DBF4B: variants seen among roughly 807,000 people sequenced by gnomAD.
DBF4B encodes DBF4B-CDC7 kinase regulatory subunit, also known as protein DBF4 homolog B.
DBF4B carries 49 observed loss-of-function variants against 53.4 expected under a neutral mutation model. The ratio of observed to expected loss-of-function variants is 0.92; its 90% confidence interval spans 0.73 to 1.16. The LOEUF is 1.16. Ranked by LOEUF, DBF4B falls within the 50% of genes most tolerant of loss-of-function variation. DBF4B has a pLI of 0.00. For missense variants in DBF4B, 692 were observed against 775.0 expected (o/e 0.89, Z 1.27); for synonymous variants, 257 against 288.7 (o/e 0.89, Z 1.11).
intron 13 of DBF4B, chr17:44,750,240 T>G (rs1340058180): frequency 6.8e-6 from 7 of 1,030,230 alleles, no homozygotes; most frequent in Non-Finnish European, 7.0e-6. Context: ...TTGCTATCGA[T>G]TCTCTGGCCA....
Position 44,709,351 on chromosome 17 carries a change from C to A in DBF4B, c.67C>A (p.Arg23=). 6.2e-7 allele frequency: 1 copy of A among 1,614,110 alleles called. No homozygotes were observed. Among genetic ancestry groups the A allele is most frequent in the Non-Finnish European group, 8.5e-7 (1 of 1,180,018 alleles). ...LESSMAESRL[R]APDLGVSRCL... ...GAGTTCCATGGCTGAGAGTAGGCTC[C>A]GGGCCCCGGACCTAGGTGGGTAACA... The change falls in exon 2 of 14, where the codon CGG becomes AGG. Residue 23 remains arginine (R), a synonymous_variant. Transcript: ENST00000315005.
At position 44,750,761 on chromosome 17, in the gene DBF4B, C is replaced by G. The variant is rs374416274; in HGVS notation, c.1356C>G (p.Thr452=). 2 of 1,614,196 alleles carry G rather than the reference C, an allele frequency of 1.2e-6. No homozygotes were observed. The highest frequency in any genetic ancestry group is 2.2e-5 in the South Asian group (2 of 91,086). The change falls in exon 14 of 14, where the codon ACC becomes ACG. Residue 452 remains threonine, a synonymous_variant. Transcript: ENST00000315005. Reference sequence around the variant, plus strand: ...TCTGTCCCTGCCCAGCCTCCTTTACCCAGTCTCATCTGGTCACTTCCTTGG... The same window carrying G: ...TCTGTCCCTGCCCAGCCTCCTTTACGCAGTCTCATCTGGTCACTTCCTTGG... ...GCLCPCPASF[T]QSHLVTSLAL...
chr17:44,750,682 G>A lies in DBF4B; in HGVS notation c.1277G>A (p.Ser426Asn), dbSNP rs2049258684. Reference protein sequence around the residue: ...MGPPASHTCVSATTLLPALPK... With the variant: ...MGPPASHTCVNATTLLPALPK... ...CCTCCTGCAAGTCACACATGTGTGAGTGCCACAACCCTCCTGCCGGCCTTG... is the reference window on the plus strand; with the variant it reads ...CCTCCTGCAAGTCACACATGTGTGAATGCCACAACCCTCCTGCCGGCCTTG... Residue 426 changes from serine (S) to asparagine (N), a missense_variant, in exon 14 of 14, where the codon AGT becomes AAT. By Grantham distance (46) the Ser-to-Asn change is conservative. Transcript: ENST00000315005. 1 of 1,614,070 alleles carries A rather than the reference G, an allele frequency of 6.2e-7. No homozygotes were observed. Among genetic ancestry groups the A allele is most frequent in the East Asian group, 2.2e-5 (1 of 44,872 alleles).
chr17:44,720,491 G>T, intron 2 of DBF4B: 1 of 215,014 alleles, frequency 4.7e-6, no homozygotes, highest in Non-Finnish European at 9.6e-6. Flanking sequence ...TGTCTTAGAC[G>T]TTTTAGCCTT....
intron 2 of DBF4B, among the ~76,000 whole-genome samples, chr17:44,710,826 C>T (rs989237487): frequency 5.3e-5 from 8 of 152,062 alleles, no homozygotes; most frequent in Non-Finnish European, 1.2e-4. Context: ...CCCTCCTCAG[C>T]TTCCCAAAGT....
intron 10 of DBF4B, among the ~76,000 whole-genome samples, chr17:44,746,622 C>G (rs1976622072): frequency 6.6e-6 from 1 of 152,064 alleles, no homozygotes; most frequent in African/African-American, 2.4e-5. Flanking sequence ...AGTTTGAGAC[C>G]AACCTGGCCA....
chr17:44,714,199 G>T lies in DBF4B; in HGVS notation c.82+4833G>T, dbSNP rs548598065. Among the ~76,000 whole-genome samples the T allele has an allele frequency of 7.9e-5, 12 of 152,110 alleles. No homozygotes were observed. In the East Asian group the frequency reaches 2.1e-3, roughly 27 times the overall value. ...GGGGGAAGGTTAGGAGAGGGGTGAG[G>T]GATAAAAGATTACATATTGGGTACA... On this transcript the variant is annotated intron_variant, in intron 2 of 13. Coordinates refer to ENST00000315005, the MANE Select transcript of DBF4B (RefSeq NM_145663.3).
Position 44,749,661 on chromosome 17 carries a change from T to G in DBF4B, c.1190-934T>G. 4 of 1,168,576 alleles carry G rather than the reference T, an allele frequency of 3.4e-6. No individual in the cohort carries two copies. The highest frequency in any genetic ancestry group is 4.3e-6 in the Non-Finnish European group (4 of 929,978). 72.4% of individuals were successfully genotyped at this position (1,168,576 alleles called of 1,614,324 possible). ...TACAGTGGGCTTGCCCAGCTGAGGC[T>G]GGCCGCCCACGCCAGGAGGCAGAGG... On this transcript the variant is annotated intron_variant, in intron 13 of 13. Transcript: ENST00000315005. This position sits in a 1 kb window ranked among gnomAD's most constrained non-coding sequence, Gnocchi z 4.4.
At chr17:44,729,413 C>T (rs1248348609) in intron 3 of DBF4B, among the ~76,000 whole-genome samples, 3 of 151,922 alleles carry the variant, frequency 2.0e-5, no homozygotes, top group Non-Finnish European at 2.9e-5. Flanking sequence ...ACTATGTTGC[C>T]CAGGCAGGTC....
chr17:44,721,807 C>T (rs768026350), intron 2 of DBF4B, among the ~76,000 whole-genome samples: 9 of 150,806 alleles, frequency 6.0e-5, no homozygotes, highest in African/African-American at 2.0e-4. Context: ...TGTGTCCCTC[C>T]GCTGAGTTTA....
intron 13 of DBF4B, chr17:44,748,920 C>T: frequency 7.8e-7 from 1 of 1,290,096 alleles, no homozygotes; most frequent in Non-Finnish European, 1.0e-6. Context: ...TCCCAGACCC[C>T]TTCCCCTGGC....
intron 13 of DBF4B, chr17:44,750,334 T>G: frequency 7.8e-7 from 1 of 1,275,390 alleles, no homozygotes; most frequent in Non-Finnish European, 9.9e-7. Flanking sequence ...TCTTTAAATG[T>G]TGAAGCTTCC....
At chr17:44,748,978 C>A in intron 13 of DBF4B, 2 of 1,289,860 alleles carry the variant, frequency 1.6e-6, no homozygotes, top group Non-Finnish European at 2.0e-6. Flanking sequence ...GCCCTCCTGG[C>A]TGGGGAAAGG....
Position 44,749,703 on chromosome 17 carries a change from A to AG in DBF4B, c.1190-889dup. ...AGGCAGAGGCGAAGTTGGCATGGGG[A>AG]GGGACCACAAAGGAGCTGGGGCAGC... On this transcript the variant is annotated intron_variant, in intron 13 of 13. Coordinates refer to ENST00000315005, the MANE Select transcript of DBF4B (RefSeq NM_145663.3). This position sits in a 1 kb window ranked among gnomAD's most constrained non-coding sequence, Gnocchi z 4.4. 8.6e-7 allele frequency: 1 copy of AG among 1,159,496 alleles called. No homozygotes were observed. Among genetic ancestry groups the AG allele is most frequent in the South Asian group, 1.8e-5 (1 of 55,358 alleles). 71.8% of individuals were successfully genotyped at this position (1,159,496 alleles called of 1,614,324 possible). A position where few individuals can be genotyped will look rare whatever the true frequency, so the allele number is the denominator to read the frequency against.
chr17:44,747,839 G>A (rs1327606057), intron 12 of DBF4B, among the ~76,000 whole-genome samples: 1 of 152,106 alleles, frequency 6.6e-6, no homozygotes, highest in Non-Finnish European at 1.5e-5. Flanking sequence ...TCCTAGATAG[G>A]TGAAAAGCAA....
At chr17:44,724,083 T>A (rs946733524) in intron 3 of DBF4B, among the ~76,000 whole-genome samples, 2 of 152,146 alleles carry the variant, frequency 1.3e-5, no homozygotes, top group African/African-American at 4.8e-5. Flanking sequence ...CATTCCAGCC[T>A]GGGCAACAGA....
intron 4 of DBF4B, 113 bp from the exon 5 acceptor site, chr17:44,730,852 G>A: frequency 2.8e-6 from 3 of 1,077,922 alleles, no homozygotes; most frequent in Non-Finnish European, 4.1e-6. Context: ...ACTGCTCCCA[G>A]CTTTCCGAGG....
At chr17:44,737,998 C>A (rs56215133) in intron 8 of DBF4B, among the ~76,000 whole-genome samples, 1 of 152,210 alleles carries the variant, frequency 6.6e-6, no homozygotes, top group Non-Finnish European at 1.5e-5. Flanking sequence ...TGACCACCCC[C>A]ACCCTGCTTT....
Position 44,749,272 on chromosome 17 carries a change from C to T in DBF4B, c.1189+807C>T. 7.7e-7 allele frequency: 1 copy of T among 1,290,416 alleles called. No individual in the cohort carries two copies. Among genetic ancestry groups the T allele is most frequent in the South Asian group, 1.2e-5 (1 of 81,838 alleles). 79.9% of individuals were successfully genotyped at this position (1,290,416 alleles called of 1,614,324 possible). A position where few individuals can be genotyped will look rare whatever the true frequency, so the allele number is the denominator to read the frequency against. Reference sequence around the variant, plus strand: ...CTCCCAGCCCTGGTCCCAACCCCAGCCCCAGCCCCAGCCCCATGCTGGCAG... The same window carrying T: ...CTCCCAGCCCTGGTCCCAACCCCAGTCCCAGCCCCAGCCCCATGCTGGCAG... On this transcript the variant is annotated intron_variant, in intron 13 of 13. Coordinates refer to ENST00000315005, the MANE Select transcript of DBF4B (RefSeq NM_145663.3). The surrounding 1 kb of genome is among the most constrained non-coding windows in gnomAD (Gnocchi z 4.4).
Sources: gnomAD v4.1 joint callset for allele counts (sites outside exome capture counted in the v4.1 genomes callset) on GRCh38, gnomAD v4.1.1 for gene constraint, Gnocchi (gnomAD v3.1) non-coding constraint, MANE v1.5 for transcripts, NCBI Gene and HGNC (gene_info 2026-07-23, HGNC 2026-07-21) for gene names.